SORD: variants seen among roughly 807,000 people sequenced by gnomAD.
SORD encodes the protein (R,R)-butanediol dehydrogenase.
SORD carries 18 observed loss-of-function variants against 35.6 expected under a neutral mutation model. That is an observed-to-expected ratio of 0.51 (90% CI 0.35 to 0.75). The LOEUF is 0.75. SORD is among the 30% of genes least tolerant of loss of function. SORD has a pLI of 0.01. For synonymous variants in SORD, 106 were observed against 152.9 expected (o/e 0.69, Z 2.26); for missense variants, 250 against 390.2 (o/e 0.64, Z 3.03).
chr15:45,040,368 T>C (rs1892946716), intron 1 of SORD, 40 bp from the exon 2 acceptor site: 4 of 1,144,988 alleles, frequency 3.5e-6, no homozygotes, highest in African/African-American at 1.5e-5. Flanking sequence ...GTGAAGTTCT[T>C]ATGCATGCTA....
chr15:45,037,495 T>G (rs1892887871), intron 1 of SORD, among the ~76,000 whole-genome samples: 2 of 152,212 alleles, frequency 1.3e-5, no homozygotes, highest in Admixed American at 1.3e-4. Context: ...TTTCAGTGTC[T>G]GTGAATTTGC....
intron 1 of SORD, among the ~76,000 whole-genome samples, chr15:45,039,868 A>G (rs973138453): frequency 5.3e-5 from 8 of 152,212 alleles, no homozygotes; most frequent in Non-Finnish European, 8.8e-5. Flanking sequence ...ATCTGTATCT[A>G]AGAACATGTT....
intron 3 of SORD, among the ~76,000 whole-genome samples, chr15:45,050,302 C>T (rs760566772): frequency 2.0e-5 from 3 of 152,146 alleles, no homozygotes; most frequent in East Asian, 1.9e-4. Flanking sequence ...AGGATGGTCT[C>T]GATCTCCTGA....
intron 1 of SORD, among the ~76,000 whole-genome samples, chr15:45,030,085 C>CAAGT (rs1052333178): frequency 6.6e-6 from 1 of 152,240 alleles, no homozygotes; most frequent in Non-Finnish European, 1.5e-5. Flanking sequence ...AACAGGAAGA[C>CAAGT]AAGTTCTTGA....
intron 4 of SORD, among the ~76,000 whole-genome samples, chr15:45,065,042 G>T (rs149816500): frequency 1.3e-5 from 2 of 152,126 alleles, no homozygotes; most frequent in Non-Finnish European, 2.9e-5. Context: ...AACCCACCAC[G>T]CCTGTTTCCT....
rs1360585189 is a variant in SORD, at chr15:45,060,035, A to G, written c.266-1032A>G. On this transcript the variant is annotated intron_variant, in intron 3 of 8. Transcript: ENST00000267814. Reference sequence around the variant, plus strand: ...TTCTGAGGTAGTGGTAGTGTTCTGTATCTTAAAAGGGGTTTGCATTCCTAG... The same window carrying G: ...TTCTGAGGTAGTGGTAGTGTTCTGTGTCTTAAAAGGGGTTTGCATTCCTAG... Among the ~76,000 whole-genome samples the G allele has an allele frequency of 5.9e-5, 9 of 152,222 alleles. No homozygotes were observed. The South Asian group carries it at 1.4e-3, about 25-fold the overall frequency.
chr15:45,043,042 G>A (rs1305384184), intron 2 of SORD, among the ~76,000 whole-genome samples: 2 of 148,418 alleles, frequency 1.3e-5, no homozygotes, highest in Non-Finnish European at 3.0e-5. Flanking sequence ...CTAGCCAAGT[G>A]GACACATAAA....
chr15:45,067,102 C>T (rs6493132), intron 5 of SORD, among the ~76,000 whole-genome samples: 3,246 of 152,286 alleles, frequency 0.021, 60 homozygotes, highest in African/African-American at 0.053. Flanking sequence ...TGGCTCATGC[C>T]TGTAATCCTA....
chr15:45,064,816 C>A (rs1206596408), intron 4 of SORD, among the ~76,000 whole-genome samples: 1 of 152,196 alleles, frequency 6.6e-6, no homozygotes, highest in Non-Finnish European at 1.5e-5. Flanking sequence ...ATAAACTTTT[C>A]ATTTATTAAT....
At chr15:45,033,209 AG>A (rs1173064950) in intron 1 of SORD, among the ~76,000 whole-genome samples, 2 of 149,372 alleles carry the variant, frequency 1.3e-5, no homozygotes, top group African/African-American at 4.8e-5. Flanking sequence ...GGTATCCTGG[AG>A]TAGGGGAAGG....
chr15:45,042,930 G>A (rs1224551602), intron 2 of SORD, among the ~76,000 whole-genome samples: 1 of 151,702 alleles, frequency 6.6e-6, no homozygotes, highest in African/African-American at 2.4e-5. Context: ...GATTGGATGA[G>A]GCTCACCCAC....
intron 1 of SORD, among the ~76,000 whole-genome samples, chr15:45,035,420 AG>A (rs111366673): frequency 0.016 from 2,383 of 152,008 alleles, 18 homozygotes; most frequent in Middle Eastern, 0.031. Flanking sequence ...TGTCGAGCTC[AG>A]GGTTTATGAA....
chr15:45,058,629 A>C (rs1454889093), intron 3 of SORD: 1 of 152,240 alleles, frequency 6.6e-6, no homozygotes, highest in African/African-American at 2.4e-5. Context: ...GGTGTTATCC[A>C]GAGTTCTTTG....
chr15:45,046,741 G>T (rs139660788), intron 3 of SORD, among the ~76,000 whole-genome samples: 328 of 152,214 alleles, frequency 2.2e-3, no homozygotes, highest in African/African-American at 7.4e-3. Context: ...AAGTCAGCCG[G>T]GCATAATAGC....
In SORD at chr15:45,023,288, C is replaced by A; in HGVS notation, c.5C>A (p.Ala2Glu). The change falls in exon 1 of 9, where the codon GCG becomes GAG. Residue 2 changes from alanine (A) to glutamate (E), a missense_variant. Physicochemically the swap from Ala to Glu is moderately radical, Grantham distance 107 (BLOSUM62 -1). Around this residue, in one of 8 missense-constraint regions of SORD, gnomAD observed 43 missense variants for 30.6 expected, o/e 1.40. Transcript: ENST00000267814. ...CTCCAGAGCCAAAAGAGCTCCATGGCGGCGGCGGCCAAGCCCAACAACCTT... is the reference window on the plus strand; with the variant it reads ...CTCCAGAGCCAAAAGAGCTCCATGGAGGCGGCGGCCAAGCCCAACAACCTT... The part of the protein sequence containing the change: M[A>E]AAAKPNNLSL... The A allele has an allele frequency of 3.8e-6, 6 of 1,581,018 alleles. No individual in the cohort carries two copies. Among genetic ancestry groups the A allele is most frequent in the Non-Finnish European group, 5.1e-6 (6 of 1,165,290 alleles).
chr15:45,065,541 C>T (rs542059961), intron 5 of SORD, 152 bp downstream of exon 5: 6 of 1,305,798 alleles, frequency 4.6e-6, no homozygotes, highest in Admixed American at 2.9e-5. Context: ...CAGTGACTAG[C>T]ACTTTGCTAA....
intron 5 of SORD, among the ~76,000 whole-genome samples, chr15:45,066,572 G>T (rs1056097122): frequency 6.6e-6 from 1 of 152,166 alleles, no homozygotes; most frequent in African/African-American, 2.4e-5. Flanking sequence ...CAATCTGCCT[G>T]CAGTAGGGCT....
chr15:45,028,744 C>A (rs1483442185), intron 1 of SORD, among the ~76,000 whole-genome samples: 2 of 152,186 alleles, frequency 1.3e-5, no homozygotes, highest in Admixed American at 1.3e-4. Flanking sequence ...ACGTATTATA[C>A]CTTAGGTCAA....
intron 3 of SORD, among the ~76,000 whole-genome samples, chr15:45,056,273 A>C (rs1893213556): frequency 6.6e-6 from 1 of 152,052 alleles, no homozygotes; most frequent in African/African-American, 2.4e-5. Flanking sequence ...CCTTAAGCTG[A>C]TAAGCAACTT....
Sources: allele counts gnomAD v4.1 joint callset (sites outside exome capture counted in the v4.1 genomes callset), GRCh38; gene constraint gnomAD v4.1.1; regional missense constraint gnomAD v4.1.1; transcripts MANE v1.5; gene names NCBI Gene and HGNC (gene_info 2026-07-23, HGNC 2026-07-21).